PLCL2: variants seen among roughly 807,000 people sequenced by gnomAD.
The protein encoded by PLCL2 is phospholipase C like 2, also known as inactive phospholipase C-like protein 2.
PLCL2 carries 4 observed loss-of-function variants against 79.6 expected under a neutral mutation model. The ratio of observed to expected loss-of-function variants is 0.05; its 90% confidence interval spans 0.02 to 0.11. The LOEUF (loss-of-function observed/expected upper bound fraction) is 0.11, where lower values mean the gene tolerates loss of function less well. Ranked by LOEUF, PLCL2 falls within the 10% of genes least tolerant of loss-of-function variation. PLCL2 has a pLI of 1.00. For missense variants in PLCL2, 895 were observed against 1,291.0 expected, an observed-to-expected ratio of 0.69 and a Z score of 4.70; for synonymous variants, 484 against 457.7, an observed-to-expected ratio of 1.06 and a Z score of -0.73.
At chr3:16,889,898 G>A (rs1037969292) in intron 1 of PLCL2, among the ~76,000 whole-genome samples, 11 of 152,034 alleles carry the variant, frequency 7.2e-5, no homozygotes, top group African/African-American at 2.7e-4. Flanking sequence ...GGGAAACAAA[G>A]ATACCGCATG....
chr3:16,943,407 C>T (rs2063571328), intron 1 of PLCL2, among the ~76,000 whole-genome samples: 1 of 152,202 alleles, frequency 6.6e-6, no homozygotes, highest in Admixed American at 6.5e-5. Context: ...CCAGCCTATC[C>T]TGAGAGCCCC....
At chr3:16,974,897 G>A (rs2063908119) in intron 1 of PLCL2, among the ~76,000 whole-genome samples, 1 of 152,198 alleles carries the variant, frequency 6.6e-6, no homozygotes, top group African/African-American at 2.4e-5. Flanking sequence ...TTGAGTGTAT[G>A]TAGAGGGGAA....
intron 1 of PLCL2, among the ~76,000 whole-genome samples, chr3:16,928,584 C>G (rs1385449329): frequency 6.6e-6 from 1 of 152,162 alleles, no homozygotes; most frequent in African/African-American, 2.4e-5. Context: ...GAAGCTGCAA[C>G]CTGCAGGGTT....
chr3:17,078,574 A>G lies in PLCL2; in HGVS notation c.3204+10509A>G, dbSNP rs528120245. On this transcript the variant is annotated intron_variant, in intron 5 of 5. Transcript: ENST00000615277. Reference sequence around the variant, plus strand: ...CTCTCCTGACCTGTGCCCCTCTACCATCAGAAACAAGGCTATCAATAAACC... The same window carrying G: ...CTCTCCTGACCTGTGCCCCTCTACCGTCAGAAACAAGGCTATCAATAAACC... 1.9e-4 allele frequency among the ~76,000 whole-genome samples: 29 copies of G among 152,258 alleles called. 2 individuals carry two copies. The South Asian group carries it at 4.4e-3, about 23-fold the overall frequency.
chr3:17,014,560 A>G, intron 2 of PLCL2, 148 bp from the exon 3 acceptor site: 1 of 672,544 alleles, frequency 1.5e-6, no homozygotes, highest in East Asian at 2.6e-5. Flanking sequence ...TTCCCAGGAT[A>G]AAACAATCAT....
At chr3:16,970,056 A>ATTTTT (rs386355771) in intron 1 of PLCL2, among the ~76,000 whole-genome samples, 70 of 144,722 alleles carry the variant, frequency 4.8e-4, no homozygotes, top group East Asian at 1.6e-3. Flanking sequence ...ATATATATAT[A>ATTTTT]TATTTTATTT....
chr3:17,035,582 T>C lies in PLCL2; in HGVS notation c.3019-7292T>C, dbSNP rs551039884. 2.2e-3 allele frequency among the ~76,000 whole-genome samples: 337 copies of C among 152,310 alleles called. 3 individuals carry two copies. The highest frequency in any genetic ancestry group is 6.8e-3 in the Middle Eastern group (2 of 294). On this transcript the variant is annotated intron_variant, in intron 3 of 5. Transcript: ENST00000615277. ...CCCCACCTGCTTCCTGTTCCCACTT[T>C]TGTGCCATCTCCCATTTCTTCCTTC...
intron 1 of PLCL2, among the ~76,000 whole-genome samples, chr3:16,952,934 A>G (rs780722332): frequency 1.2e-4 from 19 of 152,122 alleles, no homozygotes; most frequent in Non-Finnish European, 2.4e-4. Flanking sequence ...CAGAAAGTTC[A>G]CTGCTATGAA....
chr3:17,012,892 GGT>G (rs1360439207), intron 2 of PLCL2, among the ~76,000 whole-genome samples: 1 of 151,978 alleles, frequency 6.6e-6, no homozygotes, highest in Admixed American at 6.6e-5. Context: ...TGTGAGAAGT[GGT>G]GTGTGTGTGA....
chr3:16,910,651 TATAC>T (rs1696857669), intron 1 of PLCL2, among the ~76,000 whole-genome samples: 1 of 151,938 alleles, frequency 6.6e-6, no homozygotes, highest in African/African-American at 2.4e-5. Flanking sequence ...CACTCCCAAA[TATAC>T]ATCTCTACCC....
At chr3:17,018,912 T>A (rs969865489) in intron 3 of PLCL2, among the ~76,000 whole-genome samples, 12 of 152,174 alleles carry the variant, frequency 7.9e-5, no homozygotes, top group African/African-American at 2.9e-4. Context: ...CAACATGAGG[T>A]AATATAAAGA....
In PLCL2 at chr3:16,932,404, C is replaced by T. The variant is rs552734623; in HGVS notation, c.327+47038C>T. Among the ~76,000 whole-genome samples the T allele has an allele frequency of 1.1e-4, 16 of 152,294 alleles. 1 individual carries two copies. In the South Asian group the frequency reaches 2.9e-3, roughly 28 times the overall value. On this transcript the variant is annotated intron_variant, in intron 1 of 5. Transcript: ENST00000615277. Reference sequence around the variant, plus strand: ...ATTAGATTGAATTTTTTTCTTCTCACTTAAGCATTTTGGAGTACCATTAGT... The same window carrying T: ...ATTAGATTGAATTTTTTTCTTCTCATTTAAGCATTTTGGAGTACCATTAGT...
At chr3:17,070,887 T>C (rs944027714) in intron 5 of PLCL2, among the ~76,000 whole-genome samples, 1 of 151,818 alleles carries the variant, frequency 6.6e-6, no homozygotes, top group Non-Finnish European at 1.5e-5. Context: ...GAAGAGGAAA[T>C]GAAGGAGGAA....
intron 2 of PLCL2, among the ~76,000 whole-genome samples, chr3:17,013,880 G>A (rs2064355233): frequency 6.6e-6 from 1 of 152,210 alleles, no homozygotes; most frequent in African/African-American, 2.4e-5. Flanking sequence ...TCACTTACTA[G>A]CTGTGTGACG....
At chr3:17,015,329 G>A (rs1362478874) in intron 3 of PLCL2, among the ~76,000 whole-genome samples, 1 of 152,302 alleles carries the variant, frequency 6.6e-6, no homozygotes, top group Middle Eastern at 3.4e-3. Context: ...TGAGGGACAG[G>A]TGCCTGTATC....
intron 1 of PLCL2, among the ~76,000 whole-genome samples, chr3:16,954,370 G>A (rs2063683616): frequency 6.6e-6 from 1 of 152,100 alleles, no homozygotes; most frequent in Non-Finnish European, 1.5e-5. Flanking sequence ...CATTTTTTAT[G>A]GCTGCATAGT....
rs17042904 is a variant in PLCL2 at position 16,937,613 on chromosome 3, A to G, written c.327+52247A>G. Reference sequence around the variant, plus strand: ...CTTTCTATGGATGGTTGACCAATTCAGATGAAGCACCCACCTGCTGTGGAA... The same window carrying G: ...CTTTCTATGGATGGTTGACCAATTCGGATGAAGCACCCACCTGCTGTGGAA... On this transcript the variant is annotated intron_variant, in intron 1 of 5. Transcript: ENST00000615277. Among the ~76,000 whole-genome samples, 1,386 of 152,378 alleles carry G rather than the reference A, an allele frequency of 9.1e-3. 65 individuals are homozygous for G. The highest frequency in any genetic ancestry group is 0.072 in the Admixed American group (1,099 of 15,312).
chr3:16,976,823 C>A (rs965380144), intron 1 of PLCL2, among the ~76,000 whole-genome samples: 1 of 152,162 alleles, frequency 6.6e-6, no homozygotes, highest in Non-Finnish European at 1.5e-5. Flanking sequence ...TCCATTGGCC[C>A]ACACTAGGGT....
intron 1 of PLCL2, among the ~76,000 whole-genome samples, chr3:16,980,340 G>A (rs943527409): frequency 4.7e-5 from 7 of 149,640 alleles, no homozygotes; most frequent in African/African-American, 9.8e-5. Context: ...CTTCCCAGAC[G>A]GGGTGGCTGC....
Sources: gnomAD v4.1 joint callset for allele counts (sites outside exome capture counted in the v4.1 genomes callset) on GRCh38, gnomAD v4.1.1 for gene constraint, MANE v1.5 for transcripts, NCBI Gene and HGNC (gene_info 2026-07-23, HGNC 2026-07-21) for gene names.